MSI2: variants seen among roughly 807,000 people sequenced by gnomAD.
MSI2 encodes RNA-binding protein Musashi homolog 2.
Under a neutral mutation model 45.6 loss-of-function variants are expected in MSI2, and 17 were observed. That is an observed-to-expected ratio of 0.37 (90% confidence interval 0.26 to 0.56). The LOEUF (loss-of-function observed/expected upper bound fraction) is 0.56. MSI2 is among the 20% of genes least tolerant of loss of function. The pLI is 0.77. For missense variants in MSI2, 293 were observed against 444.2 expected (o/e 0.66, Z 3.06); for synonymous variants, 156 against 158.2 (o/e 0.99, Z 0.11).
chr17:57,428,279 A>G (rs1314109763), intron 6 of MSI2, among the ~76,000 whole-genome samples: 1 of 152,018 alleles, frequency 6.6e-6, no homozygotes, highest in Non-Finnish European at 1.5e-5. Flanking sequence ...GCTGGTGTGC[A>G]GTGGCATGAT....
chr17:57,387,924 A>G lies in MSI2; in HGVS notation c.313-13455A>G, dbSNP rs544687254. Among the ~76,000 whole-genome samples, 7 of 152,294 alleles carry G rather than the reference A, an allele frequency of 4.6e-5. No homozygotes were observed. In the South Asian group the frequency reaches 1.0e-3, roughly 23 times the overall value. On this transcript the variant is annotated intron_variant, in intron 5 of 13. Transcript: ENST00000284073. ...TTCATGTGTTATCTCTTTTAATACT[A>G]TTTTGTAGAAGAAGGAACAAGTTTA... is the stretch of plus-strand genomic sequence containing the variant.
chr17:57,527,551 A>G (rs1295841592), intron 6 of MSI2, among the ~76,000 whole-genome samples: 1 of 152,188 alleles, frequency 6.6e-6, no homozygotes, highest in Non-Finnish European at 1.5e-5. Context: ...GCCCACTCCC[A>G]TCATCCTGGT....
chr17:57,421,235 C>T (rs529986896), intron 6 of MSI2, among the ~76,000 whole-genome samples: 1 of 152,238 alleles, frequency 6.6e-6, no homozygotes, highest in East Asian at 1.9e-4. Context: ...TTTTAATGTC[C>T]ACGCTTAATG....
At chr17:57,506,912 G>T (rs924206528) in intron 6 of MSI2, among the ~76,000 whole-genome samples, 10 of 152,104 alleles carry the variant, frequency 6.6e-5, no homozygotes, top group Non-Finnish European at 1.0e-4. Flanking sequence ...TTGGGGTCAG[G>T]GAGGATCTGT....
At chr17:57,575,083 G>A (rs891035508) in intron 7 of MSI2, among the ~76,000 whole-genome samples, 1 of 151,672 alleles carries the variant, frequency 6.6e-6, no homozygotes, top group Non-Finnish European at 1.5e-5. Context: ...GCCCACCTTG[G>A]CCTCCCAAAG....
At chr17:57,645,183 C>T (rs886660120) in intron 10 of MSI2, among the ~76,000 whole-genome samples, 2 of 152,092 alleles carry the variant, frequency 1.3e-5, no homozygotes, top group Non-Finnish European at 2.9e-5. Flanking sequence ...GGCTCCCACC[C>T]GATTCTGTGG....
intron 6 of MSI2, among the ~76,000 whole-genome samples, chr17:57,465,824 G>A (rs1435523784): frequency 6.6e-6 from 1 of 152,118 alleles, no homozygotes; most frequent in Non-Finnish European, 1.5e-5. Context: ...TTATAGGCCC[G>A]AGAATGCTGA....
At chr17:57,369,103 T>A (rs1432952722) in intron 5 of MSI2, among the ~76,000 whole-genome samples, 1 of 152,202 alleles carries the variant, frequency 6.6e-6, no homozygotes, top group Admixed American at 6.5e-5. Context: ...TGTGCTTTGC[T>A]CTACTGATGG....
chr17:57,347,914 G>A (rs1915743229), intron 5 of MSI2, among the ~76,000 whole-genome samples: 2 of 152,194 alleles, frequency 1.3e-5, no homozygotes, highest in Admixed American at 1.3e-4. Flanking sequence ...CCAGGCCCTG[G>A]GCTGACTATG....
chr17:57,601,690 G>A (rs1024134131), intron 8 of MSI2: 1 of 152,264 alleles, frequency 6.6e-6, no homozygotes, highest in African/African-American at 2.4e-5. Flanking sequence ...TTGGGTGAGA[G>A]CGTGGGTACA....
chr17:57,537,989 G>T (rs970615862), intron 7 of MSI2, among the ~76,000 whole-genome samples: 3 of 152,212 alleles, frequency 2.0e-5, no homozygotes, highest in Non-Finnish European at 4.4e-5. Context: ...CACGGAAGCA[G>T]AAAGGGAGTG....
chr17:57,515,667 G>C (rs1265371032), intron 6 of MSI2, among the ~76,000 whole-genome samples: 3 of 152,196 alleles, frequency 2.0e-5, no homozygotes, highest in Non-Finnish European at 4.4e-5. Context: ...AGCGATGGGG[G>C]AGTGTGGACC....
At chr17:57,295,022 G>C (rs1204316807) in intron 5 of MSI2, among the ~76,000 whole-genome samples, 1 of 152,124 alleles carries the variant, frequency 6.6e-6, no homozygotes, top group Admixed American at 6.5e-5. Flanking sequence ...AGTCGTTTCT[G>C]GGGAGAGCCA....
At chr17:57,278,689 T>G (rs1197127970) in intron 5 of MSI2, 1 of 154,524 alleles carries the variant, frequency 6.5e-6, no homozygotes, top group Admixed American at 6.5e-5. Context: ...TTTTTTTCTT[T>G]TTTTAATTTT....
At chr17:57,572,024 T>A (rs796214431) in intron 7 of MSI2, among the ~76,000 whole-genome samples, 4 of 152,174 alleles carry the variant, frequency 2.6e-5, no homozygotes, top group African/African-American at 9.6e-5. Context: ...TGTGCTTCAG[T>A]GGGTGTGGTG....
chr17:57,391,202 G>A (rs2083784305), intron 5 of MSI2, among the ~76,000 whole-genome samples: 1 of 152,306 alleles, frequency 6.6e-6, no homozygotes, highest in Admixed American at 6.5e-5. Flanking sequence ...TCTCAGCGTG[G>A]GAATAGGCAC....
Position 57,473,179 on chromosome 17 carries a change from C to T in MSI2, c.406-56497C>T, listed in dbSNP as rs182925247. Among the ~76,000 whole-genome samples the T allele has an allele frequency of 9.3e-4, 141 of 152,330 alleles. 1 individual carries two copies. Among genetic ancestry groups the T allele is most frequent in the Admixed American group, 5.9e-3 (91 of 15,304 alleles). ...AAGTGGGATTGCTGGCGTGAGCCACCGCGCCTGGCCTTCCACTTTTCTTTA... is the reference window on the plus strand; with the variant it reads ...AAGTGGGATTGCTGGCGTGAGCCACTGCGCCTGGCCTTCCACTTTTCTTTA... On this transcript the variant is annotated intron_variant, in intron 6 of 13. Coordinates refer to ENST00000284073, the MANE Select transcript of MSI2 (RefSeq NM_138962.4).
intron 5 of MSI2, among the ~76,000 whole-genome samples, chr17:57,287,837 C>T (rs920045759): frequency 6.6e-6 from 1 of 152,166 alleles, no homozygotes; most frequent in African/African-American, 2.4e-5. Context: ...GTAAGGAGTG[C>T]AAGGAATGCA....
At chr17:57,527,509 G>A (rs1259761352) in intron 6 of MSI2, among the ~76,000 whole-genome samples, 2 of 152,202 alleles carry the variant, frequency 1.3e-5, no homozygotes, top group Non-Finnish European at 2.9e-5. Flanking sequence ...TGTCCTGCCT[G>A]GGATGGGCAT....
Sources: allele counts gnomAD v4.1 joint callset (sites outside exome capture counted in the v4.1 genomes callset), GRCh38; gene constraint gnomAD v4.1.1; transcripts MANE v1.5; gene names NCBI Gene and HGNC (gene_info 2026-07-23, HGNC 2026-07-21).